Variants in FGF14 observed in about 807,000 individuals in gnomAD.
The protein encoded by FGF14 is fibroblast growth factor 14.
A neutral mutation model predicts 25.5 loss-of-function variants in FGF14; 5 were observed. That is an observed-to-expected ratio of 0.20 (90% CI 0.10 to 0.41). The LOEUF is 0.41. Ranked by LOEUF, FGF14 falls within the 10% of genes least tolerant of loss-of-function variation. The pLI is 1.00. For missense variants in FGF14, 222 were observed against 320.1 expected, an observed-to-expected ratio of 0.69 and a Z score of 2.34; for synonymous variants, 138 against 118.3, an observed-to-expected ratio of 1.17 and a Z score of -1.08.
intron 1 of FGF14, among the ~76,000 whole-genome samples, chr13:101,943,169 T>G (rs144724483): frequency 6.6e-6 from 1 of 152,320 alleles, no homozygotes; most frequent in African/African-American, 2.4e-5. Flanking sequence ...ATCTTGTAAC[T>G]AGGCAGTCTA....
chr13:102,091,725 T>C (rs571735187), intron 1 of FGF14, among the ~76,000 whole-genome samples: 4 of 152,204 alleles, frequency 2.6e-5, no homozygotes, highest in South Asian at 4.2e-4. Context: ...TTCCTTTTTT[T>C]CCCCACAATT....
At chr13:101,751,047 G>C (rs1566854171) in intron 3 of FGF14, among the ~76,000 whole-genome samples, 1 of 152,052 alleles carries the variant, frequency 6.6e-6, no homozygotes, top group Non-Finnish European at 1.5e-5. Flanking sequence ...GGTGGAGAGA[G>C]GGAGGGATGA....
chr13:102,068,722 C>T lies in FGF14; in HGVS notation c.209-193426G>A, dbSNP rs182746706. Among the ~76,000 whole-genome samples, 346 of 152,298 alleles carry T rather than the reference C, an allele frequency of 2.3e-3. 4 individuals carry two copies. The highest frequency in any genetic ancestry group is 7.8e-3 in the African/African-American group (326 of 41,566). ...AGCTGCCTTCCCGCGGGGCAGGGCT[C>T]GGGACCTGCAGCCTGCCATGCCTGA... On this transcript the variant is annotated intron_variant, in intron 1 of 4. Coordinates refer to the FGF14 transcript ENST00000376131.
chr13:102,207,943 A>C (rs560228620), intron 1 of FGF14, among the ~76,000 whole-genome samples: 1 of 152,322 alleles, frequency 6.6e-6, no homozygotes, highest in South Asian at 2.1e-4. Flanking sequence ...GAGTTCACAA[A>C]AATGTTTAGT....
intron 1 of FGF14, among the ~76,000 whole-genome samples, chr13:102,078,168 C>T (rs1004947035): frequency 1.3e-5 from 2 of 152,048 alleles, no homozygotes; most frequent in Non-Finnish European, 2.9e-5. Flanking sequence ...GGTCAAAGGA[C>T]ACAAAATTTC....
intron 1 of FGF14, among the ~76,000 whole-genome samples, chr13:101,996,379 G>T (rs2039188420): frequency 6.6e-6 from 1 of 152,080 alleles, no homozygotes; most frequent in Non-Finnish European, 1.5e-5. Context: ...TTTGGAATCA[G>T]ACTCCAGTGG....
chr13:102,091,549 C>A lies in FGF14; in HGVS notation c.209-216253G>T, dbSNP rs566907921. On this transcript the variant is annotated intron_variant, in intron 1 of 4. Transcript: ENST00000376131. ...ACTTGGAGAACCAGGTTAATTGTCT[C>A]CTTCTTCCCTCAAATACCAGCCGGC... Among the ~76,000 whole-genome samples the A allele has an allele frequency of 3.3e-5, 5 of 152,268 alleles. No homozygotes were observed. The East Asian group carries it at 9.7e-4, about 29-fold the overall frequency.
intron 3 of FGF14, among the ~76,000 whole-genome samples, chr13:101,786,291 G>A (rs2039819947): frequency 6.6e-6 from 1 of 152,150 alleles, no homozygotes; most frequent in Non-Finnish European, 1.5e-5. Flanking sequence ...TTTTTACATA[G>A]GGAAAGACTT....
chr13:102,051,671 T>C (rs1472935464), intron 1 of FGF14, among the ~76,000 whole-genome samples: 3 of 152,298 alleles, frequency 2.0e-5, no homozygotes, highest in African/African-American at 7.2e-5. Context: ...CTGATAGAGC[T>C]ATACAAACAC....
At chr13:101,808,695 AG>A (rs1289848632) in intron 3 of FGF14, among the ~76,000 whole-genome samples, 1 of 152,114 alleles carries the variant, frequency 6.6e-6, no homozygotes, top group African/African-American at 2.4e-5. Context: ...ACTGAGAGAT[AG>A]GAGTCCCAGA....
At chr13:101,832,926 C>G (rs1349982277) in intron 3 of FGF14, among the ~76,000 whole-genome samples, 1 of 152,058 alleles carries the variant, frequency 6.6e-6, no homozygotes, top group Admixed American at 6.6e-5. Context: ...TGCCATTCTT[C>G]TGTGGTTTTC....
Position 101,862,779 on chromosome 13 carries a change from C to G in FGF14, c.408+5946G>C, listed in dbSNP as rs541470814. Among the ~76,000 whole-genome samples, 34 of 151,934 alleles carry G rather than the reference C, an allele frequency of 2.2e-4. 1 individual carries two copies. Among genetic ancestry groups the G allele is most frequent in the African/African-American group, 7.5e-4 (31 of 41,432 alleles). The stretch of plus-strand genomic sequence containing the variant: ...CTATAAATTATCTTGGCCAAGATAC[C>G]AAGAAAGGATAATAGCCATTTCAAC... On this transcript the variant is annotated intron_variant, in intron 3 of 4. Transcript: ENST00000376143.
At chr13:101,779,653 C>A (rs2039365112) in intron 3 of FGF14, among the ~76,000 whole-genome samples, 1 of 152,154 alleles carries the variant, frequency 6.6e-6, no homozygotes, top group South Asian at 2.1e-4. Context: ...TACATCTAAT[C>A]TGAAGGTATA....
At chr13:102,027,671 T>C (rs1408798508) in intron 1 of FGF14, among the ~76,000 whole-genome samples, 3 of 152,082 alleles carry the variant, frequency 2.0e-5, no homozygotes, top group African/African-American at 7.2e-5. Flanking sequence ...ATCCATCCTT[T>C]GCTTGACTCG....
At chr13:101,792,886 T>C (rs1048368806) in intron 3 of FGF14, among the ~76,000 whole-genome samples, 1 of 151,692 alleles carries the variant, frequency 6.6e-6, no homozygotes, top group African/African-American at 2.4e-5. Context: ...TTTTGTATAC[T>C]GACAAATTAT....
chr13:101,953,264 A>C (rs552511368), intron 1 of FGF14, among the ~76,000 whole-genome samples: 1 of 152,046 alleles, frequency 6.6e-6, no homozygotes, highest in Admixed American at 6.6e-5. Flanking sequence ...CAACGGTTTT[A>C]TATTCTTCTG....
intron 1 of FGF14, among the ~76,000 whole-genome samples, chr13:101,931,811 AC>A (rs1344497624): frequency 1.3e-5 from 2 of 152,188 alleles, no homozygotes; most frequent in African/African-American, 4.8e-5. Flanking sequence ...AACGCGATTG[AC>A]CCATTTTAAA....
intron 1 of FGF14, among the ~76,000 whole-genome samples, chr13:102,097,468 A>G (rs1185902451): frequency 2.6e-5 from 4 of 152,220 alleles, no homozygotes; most frequent in African/African-American, 7.2e-5. Context: ...GTAACAAATC[A>G]GACATATTTA....
intron 1 of FGF14, among the ~76,000 whole-genome samples, chr13:102,112,931 C>T (rs1056476822): frequency 6.6e-6 from 1 of 152,152 alleles, no homozygotes; most frequent in Non-Finnish European, 1.5e-5. Context: ...GGACATAATG[C>T]ACTCTAAGAC....
Sources: gnomAD v4.1 joint callset for allele counts (sites outside exome capture counted in the v4.1 genomes callset) on GRCh38, gnomAD v4.1.1 for gene constraint, MANE v1.5 for transcripts, NCBI Gene and HGNC (gene_info 2026-07-23, HGNC 2026-07-21) for gene names.